Variants in ATP10A observed in about 807,000 individuals in gnomAD.
ATP10A encodes phospholipid-transporting ATPase VA.
In ATP10A, 111 loss-of-function variants were observed where a neutral mutation model predicts 147.8. The ratio of observed to expected loss-of-function variants is 0.75; its 90% CI spans 0.64 to 0.88. The LOEUF (loss-of-function observed/expected upper bound fraction) is 0.88, where lower values mean the gene tolerates loss of function less well. ATP10A is among the 40% of genes least tolerant of loss of function. ATP10A has a pLI of 0.00. For missense variants in ATP10A, 1,927 were observed against 1,959.0 expected, an observed-to-expected ratio of 0.98 and a Z score of 0.31; for synonymous variants, 875 against 841.6, an observed-to-expected ratio of 1.04 and a Z score of -0.69.
At chr15:25,741,086 C>T (rs944876634) in intron 2 of ATP10A, among the ~76,000 whole-genome samples, 3 of 152,298 alleles carry the variant, frequency 2.0e-5, no homozygotes, top group Non-Finnish European at 2.9e-5. Flanking sequence ...GCCACAGCTC[C>T]GAACTTGCTT....
rs1265929567 is a variant in ATP10A, at chr15:25,705,463, A to AC, written c.2575+2512_2575+2513insG. On this transcript the variant is annotated intron_variant, in intron 12 of 20. Coordinates refer to ENST00000555815, the MANE Select transcript of ATP10A (RefSeq NM_024490.4). The stretch of plus-strand genomic sequence containing the variant: ...AGCAAAAAAAAAAAAACAAAAAAAA[A>AC]AAACAAAAAAAATCACCTTCATGAA... Among the ~76,000 whole-genome samples the AC allele has an allele frequency of 7.0e-3, 21 of 2,996 alleles. No individual in the cohort carries two copies. In the South Asian group the frequency reaches 0.22, roughly 31 times the overall value. The allele number at this position is 2,996 out of a possible 152,430, so 2.0% of individuals were successfully genotyped here. A position where few individuals can be genotyped will look rare whatever the true frequency, so the allele number is the denominator to read the frequency against.
At chr15:25,859,704 A>G (rs916940109) in intron 1 of ATP10A, among the ~76,000 whole-genome samples, 1 of 152,024 alleles carries the variant, frequency 6.6e-6, no homozygotes, top group African/African-American at 2.4e-5. Context: ...CTTCTCAAAC[A>G]CCCTGGCCTA....
chr15:25,761,224 T>C (rs1186939047), intron 2 of ATP10A, among the ~76,000 whole-genome samples: 3 of 152,182 alleles, frequency 2.0e-5, no homozygotes, highest in Non-Finnish European at 2.9e-5. Flanking sequence ...AAATTCAAAA[T>C]AATCTGCAGT....
intron 9 of ATP10A, among the ~76,000 whole-genome samples, 198 bp downstream of exon 9, chr15:25,716,532 T>C (rs1041129900): frequency 6.6e-6 from 1 of 152,146 alleles, no homozygotes; most frequent in Non-Finnish European, 1.5e-5. Context: ...CTGCCCACTA[T>C]AGCCTGGGGC....
chr15:25,711,619 G>A (rs532576492), intron 10 of ATP10A, among the ~76,000 whole-genome samples: 17 of 149,614 alleles, frequency 1.1e-4, no homozygotes, highest in African/African-American at 3.7e-4. Flanking sequence ...AGAGGAAGGC[G>A]GAGATCAACA....
intron 2 of ATP10A, among the ~76,000 whole-genome samples, chr15:25,779,596 C>T (rs952383276): frequency 4.6e-5 from 7 of 150,996 alleles, no homozygotes; most frequent in South Asian, 4.2e-4. Flanking sequence ...GGGCCTGGGG[C>T]GAGGGGGTGG....
chr15:25,821,410 A>C (rs8041972), intron 1 of ATP10A, among the ~76,000 whole-genome samples: 4 of 67,254 alleles, frequency 5.9e-5, no homozygotes, highest in African/African-American at 2.2e-4. Flanking sequence ...AAAAAAAAAA[A>C]CAAACAAAAA....
rs199742813 is a variant in ATP10A, at chr15:25,680,765, G to A, written c.3678+45C>T. ...ATCTGCAGGGAAGTGTGGGGTCCACGGCATCAGTGCTCTTCTGAGACGTGG... is the reference window on the plus strand; with the variant it reads ...ATCTGCAGGGAAGTGTGGGGTCCACAGCATCAGTGCTCTTCTGAGACGTGG... On this transcript the variant is annotated intron_variant, in intron 19 of 20. Coordinates refer to ENST00000555815, the MANE Select transcript of ATP10A (RefSeq NM_024490.4). 11 of 1,542,696 alleles carry A rather than the reference G, an allele frequency of 7.1e-6. No individual in the cohort carries two copies. The African/African-American group carries it at 8.2e-5, about 11-fold the overall frequency.
intron 1 of ATP10A, among the ~76,000 whole-genome samples, chr15:25,835,621 A>G (rs1892555950): frequency 6.6e-6 from 1 of 151,940 alleles, no homozygotes; most frequent in Non-Finnish European, 1.5e-5. Context: ...CTCCCTCCCA[A>G]TCAGTATTCC....
intron 16 of ATP10A, 125 bp downstream of exon 16, chr15:25,687,577 GA>G: frequency 1.6e-6 from 1 of 610,276 alleles, no homozygotes; most frequent in Non-Finnish European, 2.1e-6. Context: ...TTACACAGGC[GA>G]AGGAGGATGG....
At chr15:25,702,130 C>T (rs753044922) in intron 12 of ATP10A, 30 bp from the exon 13 acceptor site, 3 of 1,586,410 alleles carry the variant, frequency 1.9e-6, no homozygotes, top group South Asian at 1.2e-5. Context: ...TGTGAGCGAA[C>T]CCGCTTCTCA....
At chr15:25,769,556 T>A (rs1385245780) in intron 2 of ATP10A, among the ~76,000 whole-genome samples, 3 of 148,534 alleles carry the variant, frequency 2.0e-5, no homozygotes, top group African/African-American at 7.5e-5. Context: ...CCTAGAACAC[T>A]GCAGCCAGCC....
At chr15:25,787,841 C>G (rs1203826474) in intron 1 of ATP10A, among the ~76,000 whole-genome samples, 1 of 152,024 alleles carries the variant, frequency 6.6e-6, no homozygotes, top group African/African-American at 2.4e-5. Context: ...GTGCCCCCTA[C>G]ATCGGCCTGC....
At chr15:25,687,275 GGGATATTTC>G (rs1259267137) in intron 16 of ATP10A, among the ~76,000 whole-genome samples, 22 of 152,182 alleles carry the variant, frequency 1.4e-4, no homozygotes, top group Admixed American at 1.2e-3. Flanking sequence ...CTCCTGTTTG[GGGATATTTC>G]AGCAGCATGC....
intron 2 of ATP10A, among the ~76,000 whole-genome samples, chr15:25,750,963 G>T (rs1483862859): frequency 3.9e-5 from 6 of 152,020 alleles, no homozygotes; most frequent in Non-Finnish European, 7.4e-5. Flanking sequence ...AAAACAACTA[G>T]CAAGATGATA....
intron 1 of ATP10A, among the ~76,000 whole-genome samples, chr15:25,804,507 C>T (rs1301470235): frequency 4.7e-5 from 7 of 150,170 alleles, no homozygotes; most frequent in Non-Finnish European, 8.9e-5. Flanking sequence ...GTGTGTGTGA[C>T]GTGTGTGTAC....
chr15:25,822,894 T>C (rs1891948326), intron 1 of ATP10A, among the ~76,000 whole-genome samples: 3 of 152,226 alleles, frequency 2.0e-5, no homozygotes, highest in Admixed American at 2.0e-4. Context: ...GATTCCTATG[T>C]AATATTTTTT....
At chr15:25,733,706 C>T (rs114991549) in intron 3 of ATP10A, among the ~76,000 whole-genome samples, 1,936 of 152,254 alleles carry the variant, frequency 0.013, 40 homozygotes, top group African/African-American at 0.043. Context: ...ATTGGCTGGG[C>T]GCACACTGGC....
chr15:25,820,890 T>G (rs569548801), intron 1 of ATP10A, among the ~76,000 whole-genome samples: 5 of 152,316 alleles, frequency 3.3e-5, no homozygotes, highest in Admixed American at 2.6e-4. Flanking sequence ...TAAAAAGTAC[T>G]TAAAAGGGAA....
Sources: allele counts gnomAD v4.1 joint callset (sites outside exome capture counted in the v4.1 genomes callset), GRCh38; gene constraint gnomAD v4.1.1; transcripts MANE v1.5; gene names NCBI Gene and HGNC (gene_info 2026-07-23, HGNC 2026-07-21).